Variants in POU2AF2 observed in about 807,000 individuals in gnomAD.
POU2AF2 encodes the protein POU domain class 2-associating factor 2.
chr11:111,267,776 G>A, the POU2AF2 span, among the ~76,000 whole-genome samples: 1 of 152,214 alleles, frequency 6.6e-6, no homozygotes, highest in South Asian at 2.1e-4. Flanking sequence ...TGTACACACT[G>A]TGGAGCCTTA....
chr11:111,264,491 C>CGAAAGAAAGAAAGAAAGAAA, the POU2AF2 span, among the ~76,000 whole-genome samples: 1 of 86,010 alleles, frequency 1.2e-5, no homozygotes, highest in Non-Finnish European at 2.3e-5. Flanking sequence ...GCAAGACTCA[C>CGAAAGAAAGAAAGAAAGAAA]GAAAGAAAGA....
the POU2AF2 span, among the ~76,000 whole-genome samples, chr11:111,248,189 C>T: frequency 6.6e-6 from 1 of 152,066 alleles, no homozygotes; most frequent in South Asian, 2.1e-4. Context: ...ATATCATCTC[C>T]CCAGATTAGA....
the POU2AF2 span, among the ~76,000 whole-genome samples, chr11:111,246,974 C>G: frequency 6.6e-6 from 1 of 152,164 alleles, no homozygotes; most frequent in Non-Finnish European, 1.5e-5. Context: ...CCTCCCCCAC[C>G]TCAATCCTAC....
chr11:111,251,095 AG>A, the POU2AF2 span, among the ~76,000 whole-genome samples: 1 of 152,204 alleles, frequency 6.6e-6, no homozygotes, highest in East Asian at 1.9e-4. Context: ...AGACTAGGGC[AG>A]GGTGGATGTG....
At chr11:111,269,238 G>GT in the POU2AF2 span, among the ~76,000 whole-genome samples, 1 of 152,022 alleles carries the variant, frequency 6.6e-6, no homozygotes, top group African/African-American at 2.4e-5. Flanking sequence ...GCAGTGTCTA[G>GT]TAAACTCAAA....
the POU2AF2 span, among the ~76,000 whole-genome samples, chr11:111,247,842 C>T: frequency 7.1e-6 from 1 of 141,432 alleles, no homozygotes; most frequent in Non-Finnish European, 1.5e-5. Flanking sequence ...TTGAATATTT[C>T]AAGATTAGTT....
chr11:111,285,925 A>C, the POU2AF2 span: 8 of 1,613,734 alleles, frequency 5.0e-6, no homozygotes, highest in Non-Finnish European at 6.8e-6. Flanking sequence ...CAAATGACCT[A>C]CCGCCCAAGG....
At chr11:111,281,121 G>A in the POU2AF2 span, among the ~76,000 whole-genome samples, 1 of 152,268 alleles carries the variant, frequency 6.6e-6, no homozygotes, top group African/African-American at 2.4e-5. Flanking sequence ...AATGTTAACT[G>A]GAACAGTAGA....
chr11:111,281,585 G>A, the POU2AF2 span: 1 of 872,424 alleles, frequency 1.1e-6, no homozygotes, highest in Non-Finnish European at 1.8e-6. Context: ...AATCAGCGAA[G>A]GACAGAACTC....
chr11:111,258,065 C>T, the POU2AF2 span, among the ~76,000 whole-genome samples: 1 of 152,144 alleles, frequency 6.6e-6, no homozygotes. Context: ...TTGCAGTGAT[C>T]TGAGTTCGTG....
At chr11:111,263,620 AC>A in the POU2AF2 span, among the ~76,000 whole-genome samples, 1 of 151,964 alleles carries the variant, frequency 6.6e-6, no homozygotes, top group East Asian at 1.9e-4. Flanking sequence ...TTTAGTAGAG[AC>A]AGGGTTTCAC....
the POU2AF2 span, among the ~76,000 whole-genome samples, chr11:111,270,283 A>G: frequency 6.6e-6 from 1 of 152,248 alleles, no homozygotes; most frequent in Admixed American, 6.5e-5. Context: ...AAAAATGCAT[A>G]AATTAATGTT....
chr11:111,280,682 C>T, the POU2AF2 span, among the ~76,000 whole-genome samples: 1 of 151,878 alleles, frequency 6.6e-6, no homozygotes, highest in Non-Finnish European at 1.5e-5. Context: ...CACAATGGCC[C>T]GAAAGCACAA....
chr11:111,278,640 G>A, the POU2AF2 span, among the ~76,000 whole-genome samples: 2 of 152,096 alleles, frequency 1.3e-5, no homozygotes, highest in East Asian at 3.9e-4. Context: ...CAGAAAGAGG[G>A]CCCGCACTAA....
At chr11:111,284,278 T>C in the POU2AF2 span, 1 of 1,613,894 alleles carries the variant, frequency 6.2e-7, no homozygotes, top group Admixed American at 1.7e-5. Context: ...ACTACCGGCC[T>C]CCGGCGCTGA....
the POU2AF2 span, among the ~76,000 whole-genome samples, chr11:111,261,745 C>T: frequency 2.6e-5 from 4 of 152,166 alleles, no homozygotes; most frequent in South Asian, 2.1e-4. Flanking sequence ...CTCTTTTGCT[C>T]GGCTCATTCA....
the POU2AF2 span, among the ~76,000 whole-genome samples, chr11:111,275,350 G>A: frequency 1.3e-5 from 2 of 152,244 alleles, no homozygotes; most frequent in South Asian, 4.2e-4. Context: ...TTGAAAAAGG[G>A]TTTGAGCAGA....
the POU2AF2 span, among the ~76,000 whole-genome samples, chr11:111,276,449 AAAAAATATATAT>A: frequency 7.9e-3 from 394 of 49,730 alleles, 8 homozygotes; most frequent in South Asian, 0.057. Flanking sequence ...GAAAAAAAAA[AAAAAATATATAT>A]ATATATATAT....
chr11:111,270,680 G>A, the POU2AF2 span, among the ~76,000 whole-genome samples: 111 of 152,224 alleles, frequency 7.3e-4, 1 homozygote, highest in Middle Eastern at 3.4e-3. Flanking sequence ...CCTGCCAGCC[G>A]CCTCTCATAC....
Sources: gnomAD v4.1 joint callset for allele counts (sites outside exome capture counted in the v4.1 genomes callset) on GRCh38, gnomAD v4.1.1 for gene constraint, MANE v1.5 for transcripts, NCBI Gene and HGNC (gene_info 2026-07-23, HGNC 2026-07-21) for gene names.